Variants in NRBP2 observed in about 807,000 individuals in gnomAD.
NRBP2 encodes nuclear receptor binding protein 2.
In NRBP2, 47 loss-of-function variants were observed where a neutral mutation model predicts 74.4. The ratio of observed to expected loss-of-function variants is 0.63; its 90% CI spans 0.50 to 0.81. The LOEUF is 0.81. Among genes scored for constraint, NRBP2 ranks in the 30% least tolerant of loss-of-function variants. NRBP2 has a pLI of 0.00. For missense variants in NRBP2, 613 were observed against 690.1 expected, an observed-to-expected ratio of 0.89 and a Z score of 1.25; for synonymous variants, 312 against 273.8, an observed-to-expected ratio of 1.14 and a Z score of -1.38.
chr8:143,838,848 A>T, intron 9 of NRBP2, 35 bp downstream of exon 9: 1 of 1,613,038 alleles, frequency 6.2e-7, no homozygotes, highest in Non-Finnish European at 8.5e-7. Context: ...AGTTAGGAGG[A>T]GGGCAGAGCA....
Position 143,834,900 on chromosome 8 carries a change from G to A in NRBP2, c.*762C>T, listed in dbSNP as rs1818293056. The A allele has an allele frequency of 6.6e-6, 1 of 152,612 alleles. No homozygotes were observed. The highest frequency in any genetic ancestry group is 2.4e-5 in the African/African-American group (1 of 41,566). 9.5% of individuals were successfully genotyped at this position (152,612 alleles called of 1,614,324 possible). On this transcript the variant is annotated 3_prime_UTR_variant, in exon 18 of 18. Coordinates refer to ENST00000442628, the MANE Select transcript of NRBP2 (RefSeq NM_178564.4). Reference sequence around the variant, plus strand: ...CATGGAGGGGCTGTGAGTCTGAGGAGCAGGGAGGATGTGGGGTCCCTGACG... The same window carrying A: ...CATGGAGGGGCTGTGAGTCTGAGGAACAGGGAGGATGTGGGGTCCCTGACG...
downstream of NRBP2, among the ~76,000 whole-genome samples, chr8:143,831,703 A>G (rs10091644): frequency 0.017 from 2,542 of 152,364 alleles, 77 homozygotes; most frequent in African/African-American, 0.057. Flanking sequence ...ATCAGCAGAG[A>G]TAAATCAAGA....
At position 143,837,299 on chromosome 8, in the gene NRBP2, C is replaced by T; in HGVS notation, c.1077G>A (p.Arg359=). 6.2e-7 allele frequency: 1 copy of T among 1,612,594 alleles called. No individual in the cohort carries two copies. Among genetic ancestry groups the T allele is most frequent in the Non-Finnish European group, 8.5e-7 (1 of 1,179,666 alleles). The stretch of plus-strand genomic sequence containing the variant: ...GCTCCATGAAGGAGACTTCCGAGTA[C>T]CTGGCATGGAAGTGGGAGGCACATG... The part of the protein sequence containing the change: ...PRPRRPPLQW[R]YSEVSFMELD... Residue 359 remains arginine (R), a splice_region_variant and synonymous_variant, in exon 13 of 18, where the codon CGG becomes CGA. Transcript: ENST00000442628. This position sits in a 1 kb window ranked among gnomAD's most constrained non-coding sequence, Gnocchi z 4.3.
chr8:143,840,253 T>C lies in NRBP2; in HGVS notation c.130-24A>G, dbSNP rs1164160107. On this transcript the variant is annotated intron_variant, in intron 1 of 17. Coordinates refer to ENST00000442628, the MANE Select transcript of NRBP2 (RefSeq NM_178564.4). The surrounding 1 kb of genome is among the most constrained non-coding windows in gnomAD (Gnocchi z 5.7). ...ACCTGGGGGTGAATAAAGGGTTATGTGTGCCCTGGTGTGTGTCAGGGTTGT... is the reference window on the plus strand; with the variant it reads ...ACCTGGGGGTGAATAAAGGGTTATGCGTGCCCTGGTGTGTGTCAGGGTTGT... 2.6e-6 allele frequency: 4 copies of C among 1,535,530 alleles called. No individual in the cohort carries two copies. In the East Asian group the frequency reaches 9.8e-5, roughly 38 times the overall value.
chr8:143,832,677 T>C (rs192042788), downstream of NRBP2, among the ~76,000 whole-genome samples: 48 of 152,350 alleles, frequency 3.2e-4, no homozygotes, highest in African/African-American at 7.5e-4. Context: ...ACATTGTCTA[T>C]GATGCAAAGA....
intron 14 of NRBP2, 83 bp downstream of exon 14, chr8:143,836,956 G>A (rs1554651949): frequency 2.1e-6 from 3 of 1,462,372 alleles, no homozygotes; most frequent in Non-Finnish European, 2.8e-6. Context: ...GGGGATGCAG[G>A]CCCTAAGAGA....
downstream of NRBP2, among the ~76,000 whole-genome samples, chr8:143,830,696 C>T (rs1024455277): frequency 2.6e-5 from 4 of 152,220 alleles, no homozygotes; most frequent in Admixed American, 2.0e-4. Flanking sequence ...AAGCATCTCA[C>T]TCTTCAATGC....
At chr8:143,836,553 A>G (rs1398809299) in intron 14 of NRBP2, among the ~76,000 whole-genome samples, 2 of 151,978 alleles carry the variant, frequency 1.3e-5, no homozygotes, top group South Asian at 2.1e-4. Context: ...AGCCAGGAGC[A>G]GGCAGTTTGC....
chr8:143,840,594 G>C lies in NRBP2; in HGVS notation c.129+112C>G. 9.2e-7 allele frequency: 1 copy of C among 1,088,254 alleles called. No individual in the cohort carries two copies. Among genetic ancestry groups the C allele is most frequent in the Non-Finnish European group, 1.2e-6 (1 of 806,180 alleles). 67.4% of individuals were successfully genotyped at this position (1,088,254 alleles called of 1,614,324 possible). A position where few individuals can be genotyped will look rare whatever the true frequency, so the allele number is the denominator to read the frequency against. ...GATTCGCGGGCCGCGAGGGGCCGCG[G>C]AGAGGTTTCCAGCCGCCGCGCTCTC... On this transcript the variant is annotated intron_variant, in intron 1 of 17. Coordinates refer to ENST00000442628, the MANE Select transcript of NRBP2 (RefSeq NM_178564.4). This position sits in a 1 kb window ranked among gnomAD's most constrained non-coding sequence, Gnocchi z 5.7.
Position 143,839,389 on chromosome 8 carries a change from G to A in NRBP2, c.505C>T (p.Pro169Ser). Residue 169 changes from proline to serine, a missense_variant, in exon 6 of 18, where the codon CCC becomes TCC. By Grantham distance (74) the Pro-to-Ser change is moderately conservative (BLOSUM62 -1). Around this residue, in one of 2 missense-constraint regions of NRBP2, gnomAD observed 332 missense variants for 429.2 expected, o/e 0.77. Transcript: ENST00000442628. This position sits in a 1 kb window ranked among gnomAD's most constrained non-coding sequence, Gnocchi z 5.1. ...GTCAGGTTCCCGTGGATGATTGGGGGGCTGCAGGCGTGCAGGAAGCTGCAG... is the reference window on the plus strand; with the variant it reads ...GTCAGGTTCCCGTGGATGATTGGGGAGCTGCAGGCGTGCAGGAAGCTGCAG... ...SALSFLHACS[P>S]PIIHGNLTSD... 6.3e-7 allele frequency: 1 copy of A among 1,583,322 alleles called. No homozygotes were observed. Among genetic ancestry groups the A allele is most frequent in the Admixed American group, 1.7e-5 (1 of 58,092 alleles).
chr8:143,838,989 C>A (rs782680230), intron 8 of NRBP2, 28 bp downstream of exon 8: 3 of 1,557,088 alleles, frequency 1.9e-6, no homozygotes, highest in Non-Finnish European at 2.6e-6. Context: ...AGGGTAGGCA[C>A]GGGGCACCCG....
chr8:143,838,879 G>A lies in NRBP2; in HGVS notation c.744+4C>T, dbSNP rs1554652651. The stretch of plus-strand genomic sequence containing the variant: ...GAGCACAAGGTGGAGGGCGGGGGCA[G>A]TACCTCCAGCGCACACATCCCAAAG... On this transcript the variant is annotated splice_donor_region_variant and intron_variant, in intron 9 of 17. Transcript: ENST00000442628. 1 of 1,613,274 alleles carries A rather than the reference G, an allele frequency of 6.2e-7. No individual in the cohort carries two copies. Among genetic ancestry groups the A allele is most frequent in the Non-Finnish European group, 8.5e-7 (1 of 1,179,714 alleles).
rs1429170371 is a variant in NRBP2 at position 143,837,885 on chromosome 8, A to G, written c.841-130T>C. 5 of 1,171,160 alleles carry G rather than the reference A, an allele frequency of 4.3e-6. No homozygotes were observed. In the African/African-American group the frequency reaches 4.5e-5, roughly 11 times the overall value. 72.5% of individuals were successfully genotyped at this position (1,171,160 alleles called of 1,614,324 possible). A position where few individuals can be genotyped will look rare whatever the true frequency, so the allele number is the denominator to read the frequency against. On this transcript the variant is annotated intron_variant, in intron 10 of 17. Coordinates refer to ENST00000442628, the MANE Select transcript of NRBP2 (RefSeq NM_178564.4). This position sits in a 1 kb window ranked among gnomAD's most constrained non-coding sequence, Gnocchi z 4.3. ...ACACACAGGACATGCAGGGATGCCCATAGGGAGGAGTCCCAGCAGCAGCAG... is the reference window on the plus strand; with the variant it reads ...ACACACAGGACATGCAGGGATGCCCGTAGGGAGGAGTCCCAGCAGCAGCAG...
chr8:143,836,892 C>T (rs1283981755), intron 14 of NRBP2, 147 bp downstream of exon 14: 12 of 906,628 alleles, frequency 1.3e-5, no homozygotes, highest in Non-Finnish European at 1.7e-5. Flanking sequence ...ATGACCCCCA[C>T]AAGGGGGTCA....
downstream of NRBP2, among the ~76,000 whole-genome samples, chr8:143,832,277 A>G (rs200809585): frequency 7.9e-5 from 12 of 151,766 alleles, no homozygotes; most frequent in African/African-American, 2.4e-4. Context: ...GGGACACAAA[A>G]ACTGCGGAAG....
Position 143,837,413 on chromosome 8 carries a change from T to C in NRBP2, c.1070A>G (p.Gln357Arg). 1 of 1,599,334 alleles carries C rather than the reference T, an allele frequency of 6.3e-7. No individual in the cohort carries two copies. The highest frequency in any genetic ancestry group is 8.5e-7 in the Non-Finnish European group (1 of 1,174,680). Residue 357 changes from glutamine to arginine, a missense_variant, in exon 12 of 18, where the codon CAG (glutamine) becomes CGG (arginine). This residue lies in a region of NRBP2 where 281 missense variants were observed against 260.9 expected (regional missense o/e 1.08). Coordinates refer to ENST00000442628, the MANE Select transcript of NRBP2 (RefSeq NM_178564.4). The surrounding 1 kb of genome is among the most constrained non-coding windows in gnomAD (Gnocchi z 4.3). ...CTGGGTGCTGACTGCTCACCGCCAC[T>C]GCAGCGGGGGCCTGCGGGGCCGGGG... is the stretch of plus-strand genomic sequence containing the variant. ...ELPRPRRPPLQWRYSEVSFME... is the reference protein window; with the variant it reads ...ELPRPRRPPLRWRYSEVSFME...
At chr8:143,838,073 G>T in intron 10 of NRBP2, 1 of 602,738 alleles carries the variant, frequency 1.7e-6, no homozygotes, top group Admixed American at 2.4e-5. Flanking sequence ...GGCTCAGCTC[G>T]GGCCCAACAC....
chr8:143,839,920 C>T lies in NRBP2; in HGVS notation c.354+9G>A, dbSNP rs1168548480. On this transcript the variant is annotated intron_variant, in intron 3 of 17. Coordinates refer to ENST00000442628, the MANE Select transcript of NRBP2 (RefSeq NM_178564.4). The surrounding 1 kb of genome is among the most constrained non-coding windows in gnomAD (Gnocchi z 5.1). ...GTCTCTGCCTGCCCGGGGCCTTGCCCGTGCTCACCCTCGCGCAGGCCTCAG... is the reference window on the plus strand; with the variant it reads ...GTCTCTGCCTGCCCGGGGCCTTGCCTGTGCTCACCCTCGCGCAGGCCTCAG... 5.2e-6 allele frequency: 8 copies of T among 1,535,886 alleles called. No individual in the cohort carries two copies. The highest frequency in any genetic ancestry group is 3.6e-5 in the South Asian group (3 of 84,060).
downstream of NRBP2, among the ~76,000 whole-genome samples, chr8:143,831,681 G>A (rs561134980): frequency 9.9e-5 from 15 of 152,266 alleles, no homozygotes; most frequent in African/African-American, 3.1e-4. Flanking sequence ...AGAAAATAAG[G>A]AAATGAGAGA....
Sources: allele counts gnomAD v4.1 joint callset (sites outside exome capture counted in the v4.1 genomes callset), GRCh38; gene constraint gnomAD v4.1.1; regional missense constraint gnomAD v4.1.1; non-coding constraint Gnocchi (gnomAD v3.1); transcripts MANE v1.5; gene names NCBI Gene and HGNC (gene_info 2026-07-23, HGNC 2026-07-21).